The following PAK5 variants were observed in gnomAD, a reference collection of about 807,000 sequenced individuals.
PAK5 encodes p21 (RAC1) activated kinase 5.
In PAK5, 16 loss-of-function variants were observed where a neutral mutation model predicts 65.9. The ratio of observed to expected loss-of-function variants is 0.24; its 90% CI spans 0.16 to 0.37. The LOEUF is 0.37. PAK5 is among the 10% of genes least tolerant of loss of function. The probability of loss-of-function intolerance (pLI) is 1.00; values close to 1 mark genes in which losing one functional copy is unlikely to be tolerated. For synonymous variants in PAK5, 371 were observed against 354.9 expected, an observed-to-expected ratio of 1.05 and a Z score of -0.51; for missense variants, 785 against 903.9, an observed-to-expected ratio of 0.87 and a Z score of 1.69.
chr20:9,598,266 A>G (rs6133728), intron 3 of PAK5, among the ~76,000 whole-genome samples: 46,172 of 152,064 alleles, frequency 0.3, 9,134 homozygotes, highest in African/African-American at 0.54. Flanking sequence ...AGCTTCATCC[A>G]TGTCCCTGCA....
At chr20:9,743,391 C>CAA (rs33951813) in intron 1 of PAK5, among the ~76,000 whole-genome samples, 1,592 of 133,618 alleles carry the variant, frequency 0.012, 22 homozygotes, top group African/African-American at 0.039. Context: ...GCAAACAAGC[C>CAA]AAAAAAAAAC....
chr20:9,743,837 G>A lies in PAK5; in HGVS notation c.-161-32402C>T, dbSNP rs529107160. On this transcript the variant is annotated intron_variant, in intron 1 of 9. Coordinates refer to ENST00000353224, the MANE Select transcript of PAK5 (RefSeq NM_177990.4). ...ATATCCACGTCCTCATTCCTGGAAC[G>A]CATAAGTTTTACCTTACATGGCAAA... Among the ~76,000 whole-genome samples, 9 of 152,266 alleles carry A rather than the reference G, an allele frequency of 5.9e-5. No homozygotes were observed. The East Asian group carries it at 1.4e-3, about 23-fold the overall frequency.
At chr20:9,799,969 A>G (rs1011834585) in intron 1 of PAK5, among the ~76,000 whole-genome samples, 1 of 145,550 alleles carries the variant, frequency 6.9e-6, no homozygotes, top group African/African-American at 2.5e-5. Flanking sequence ...AAAAAAAATG[A>G]AAGAAAGAAA....
At chr20:9,655,771 C>A (rs1195913292) in intron 2 of PAK5, among the ~76,000 whole-genome samples, 1 of 152,228 alleles carries the variant, frequency 6.6e-6, no homozygotes, top group East Asian at 1.9e-4. Context: ...GTGGCTTAAG[C>A]AAGATAAATT....
intron 1 of PAK5, among the ~76,000 whole-genome samples, chr20:9,778,552 T>C (rs952792456): frequency 6.6e-6 from 1 of 152,136 alleles, no homozygotes; most frequent in Non-Finnish European, 1.5e-5. Flanking sequence ...CTTTGGGAGA[T>C]TTTAGATTAC....
chr20:9,595,345 G>A (rs1568987313), intron 3 of PAK5, among the ~76,000 whole-genome samples: 1 of 152,050 alleles, frequency 6.6e-6, no homozygotes, highest in Non-Finnish European at 1.5e-5. Context: ...TTATCCAAGA[G>A]GGCAAGTTTA....
At chr20:9,586,717 A>G (rs1023043333) in intron 3 of PAK5, among the ~76,000 whole-genome samples, 1 of 152,148 alleles carries the variant, frequency 6.6e-6, no homozygotes, top group African/African-American at 2.4e-5. Context: ...TCTATAGGAG[A>G]TTAGAGGGTC....
chr20:9,690,609 T>G (rs2047779895), intron 2 of PAK5, among the ~76,000 whole-genome samples: 1 of 151,974 alleles, frequency 6.6e-6, no homozygotes, highest in Non-Finnish European at 1.5e-5. Flanking sequence ...TCAGAGTTGA[T>G]ACCACTGCCA....
chr20:9,683,756 T>A (rs527533606), intron 2 of PAK5, among the ~76,000 whole-genome samples: 14 of 152,288 alleles, frequency 9.2e-5, no homozygotes, highest in Admixed American at 4.6e-4. Flanking sequence ...TCTTGCTCTG[T>A]CACCCAGGCA....
At chr20:9,637,089 C>A (rs575579362) in intron 3 of PAK5, among the ~76,000 whole-genome samples, 1 of 152,284 alleles carries the variant, frequency 6.6e-6, no homozygotes, top group East Asian at 1.9e-4. Context: ...TAGCTTTGAC[C>A]ACCTAGGCTC....
chr20:9,627,029 T>G (rs1008338712), intron 3 of PAK5, among the ~76,000 whole-genome samples: 10 of 152,226 alleles, frequency 6.6e-5, no homozygotes, highest in African/African-American at 2.4e-4. Context: ...AAGCTGCCTA[T>G]GATGAATACT....
At chr20:9,732,102 G>A (rs1042866583) in intron 1 of PAK5, among the ~76,000 whole-genome samples, 1 of 152,030 alleles carries the variant, frequency 6.6e-6, no homozygotes, top group African/African-American at 2.4e-5. Flanking sequence ...AAGGTACAGA[G>A]GTCAGGTGGC....
chr20:9,718,990 T>G (rs1600283932), intron 1 of PAK5, among the ~76,000 whole-genome samples: 1 of 152,178 alleles, frequency 6.6e-6, no homozygotes, highest in African/African-American at 2.4e-5. Context: ...CACATTTGTT[T>G]CCTGCTCCTC....
chr20:9,561,134 T>C (rs935039153), intron 6 of PAK5, among the ~76,000 whole-genome samples: 29 of 152,318 alleles, frequency 1.9e-4, no homozygotes, highest in African/African-American at 5.8e-4. Context: ...TGACACACAA[T>C]TTTGTTTTGC....
At chr20:9,671,658 C>G (rs997859734) in intron 2 of PAK5, among the ~76,000 whole-genome samples, 8 of 146,640 alleles carry the variant, frequency 5.5e-5, no homozygotes, top group African/African-American at 1.9e-4. Context: ...TGCTTATCAG[C>G]TTAAGGAGAT....
chr20:9,769,583 C>G (rs2048810762), intron 1 of PAK5, among the ~76,000 whole-genome samples: 3 of 152,210 alleles, frequency 2.0e-5, no homozygotes, highest in Admixed American at 6.5e-5. Flanking sequence ...TTGAATCTGA[C>G]AATTGCAAAC....
At chr20:9,794,719 T>G (rs568371288) in intron 1 of PAK5, among the ~76,000 whole-genome samples, 7 of 152,224 alleles carry the variant, frequency 4.6e-5, no homozygotes, top group African/African-American at 1.7e-4. Context: ...AGTTTCCCTG[T>G]TTTTGGAAAG....
intron 1 of PAK5, among the ~76,000 whole-genome samples, chr20:9,758,806 G>T (rs756880515): frequency 3.9e-5 from 6 of 152,154 alleles, no homozygotes; most frequent in Admixed American, 2.0e-4. Context: ...GTAAGGACAA[G>T]AAATGCCTCT....
At chr20:9,653,961 CTTTTTTT>C (rs35916583) in intron 2 of PAK5, among the ~76,000 whole-genome samples, 1 of 135,994 alleles carries the variant, frequency 7.4e-6, no homozygotes, top group Non-Finnish European at 1.6e-5. Context: ...CTTTTCTTCT[CTTTTTTT>C]TTTTTTTGAC....
Sources: gnomAD v4.1 joint callset for allele counts (sites outside exome capture counted in the v4.1 genomes callset) on GRCh38, gnomAD v4.1.1 for gene constraint, MANE v1.5 for transcripts, NCBI Gene and HGNC (gene_info 2026-07-23, HGNC 2026-07-21) for gene names.